The following PRKAR1B variants were observed in gnomAD, a reference collection of about 807,000 sequenced individuals.
The protein encoded by PRKAR1B is cAMP-dependent protein kinase type I-beta regulatory subunit.
PRKAR1B carries 22 observed loss-of-function variants against 46.5 expected under a neutral mutation model. The ratio of observed to expected loss-of-function variants is 0.47; its 90% CI spans 0.34 to 0.68. PRKAR1B has a LOEUF of 0.68. Among genes scored for constraint, PRKAR1B ranks in the 30% least tolerant of loss-of-function variants. The pLI is 0.01. For synonymous variants in PRKAR1B, 259 were observed against 217.7 expected, an observed-to-expected ratio of 1.19 and a Z score of -1.67; for missense variants, 445 against 535.6, an observed-to-expected ratio of 0.83 and a Z score of 1.67.
chr7:681,653 C>T (rs1180319162), intron 2 of PRKAR1B, among the ~76,000 whole-genome samples: 2 of 152,160 alleles, frequency 1.3e-5, no homozygotes, highest in Non-Finnish European at 2.9e-5. Context: ...GTGTCCTCCA[C>T]GTGGGCTGGG....
At chr7:584,469 T>A in intron 8 of PRKAR1B, 39 bp downstream of exon 8, 1 of 1,596,864 alleles carries the variant, frequency 6.3e-7, no homozygotes, top group Non-Finnish European at 8.6e-7. Flanking sequence ...GGCGCCCAGA[T>A]GTCGGGACAC....
intron 9 of PRKAR1B, among the ~76,000 whole-genome samples, chr7:570,641 C>A (rs886342364): frequency 1.3e-5 from 2 of 152,176 alleles, no homozygotes; most frequent in East Asian, 1.9e-4. Flanking sequence ...GCACGGCCCT[C>A]GGCAAAGCAG....
intron 4 of PRKAR1B, among the ~76,000 whole-genome samples, chr7:639,448 C>T (rs1455750836): frequency 6.6e-6 from 1 of 152,162 alleles, no homozygotes; most frequent in East Asian, 1.9e-4. Flanking sequence ...GGATGACAGT[C>T]CTAAATGTAA....
chr7:577,081 G>GC (rs1779893194), intron 9 of PRKAR1B, among the ~76,000 whole-genome samples: 1 of 151,780 alleles, frequency 6.6e-6, no homozygotes, highest in Non-Finnish European at 1.5e-5. Context: ...GCCATCAGCG[G>GC]CCTCATCCAA....
intron 1 of PRKAR1B, among the ~76,000 whole-genome samples, chr7:720,826 CTA>C (rs1781045877): frequency 6.6e-6 from 1 of 152,112 alleles, no homozygotes; most frequent in Non-Finnish European, 1.5e-5. Context: ...TTCAATGTGC[CTA>C]TGTTATTATG....
At chr7:726,707 G>A in intron 1 of PRKAR1B, 1 of 1,238,336 alleles carries the variant, frequency 8.1e-7, no homozygotes, top group Non-Finnish European at 1.0e-6. Context: ...TTAGTGACCG[G>A]CGACGCGGGC....
At chr7:728,553 G>A (rs1781446630), upstream of PRKAR1B, among the ~76,000 whole-genome samples, 1 of 152,180 alleles carries the variant, frequency 6.6e-6, no homozygotes, top group Non-Finnish European at 1.5e-5. Context: ...TGGAGCTTGG[G>A]GAAGAACCTT....
intron 1 of PRKAR1B, chr7:726,764 C>A: frequency 7.9e-7 from 1 of 1,258,872 alleles, no homozygotes; most frequent in Non-Finnish European, 1.0e-6. Context: ...GCCCCACACC[C>A]GGCTGAGGGG....
chr7:552,538 C>T (rs529308301), intron 9 of PRKAR1B, among the ~76,000 whole-genome samples: 54 of 152,162 alleles, frequency 3.5e-4, no homozygotes, highest in African/African-American at 1.3e-3. Context: ...CCACCACATC[C>T]AATGCTGCTG....
chr7:635,366 T>C (rs941039525), intron 4 of PRKAR1B, among the ~76,000 whole-genome samples: 1 of 152,192 alleles, frequency 6.6e-6, no homozygotes, highest in African/African-American at 2.4e-5. Context: ...AGGCAGACTG[T>C]GGCATCGCTG....
intron 4 of PRKAR1B, among the ~76,000 whole-genome samples, chr7:626,008 CAAAAA>C (rs71016892): frequency 4.5e-5 from 5 of 110,584 alleles, no homozygotes; most frequent in Non-Finnish European, 5.5e-5. Flanking sequence ...AACTCCATCT[CAAAAA>C]AAAAAAAAAA....
At chr7:575,955 C>T (rs1478905107) in intron 9 of PRKAR1B, among the ~76,000 whole-genome samples, 1 of 151,816 alleles carries the variant, frequency 6.6e-6, no homozygotes. Context: ...ACGCTGGCAT[C>T]CTCTCCTCTG....
chr7:677,154 G>A, intron 4 of PRKAR1B, 75 bp downstream of exon 4: 1 of 1,419,726 alleles, frequency 7.0e-7, no homozygotes, highest in Non-Finnish European at 9.9e-7. Context: ...GCCCAGGCAA[G>A]TGGCGGGACC....
At chr7:676,638 C>A (rs992142417) in intron 4 of PRKAR1B, among the ~76,000 whole-genome samples, 1 of 152,254 alleles carries the variant, frequency 6.6e-6, no homozygotes, top group African/African-American at 2.4e-5. Flanking sequence ...GGCAGGTGCA[C>A]GCAGCATAGT....
intron 6 of PRKAR1B, among the ~76,000 whole-genome samples, chr7:600,295 A>G (rs1250071061): frequency 6.6e-6 from 1 of 152,174 alleles, no homozygotes; most frequent in Non-Finnish European, 1.5e-5. Flanking sequence ...GCTTGAAGCC[A>G]GGAGTCTGAG....
At chr7:627,650 T>C (rs994608515) in intron 4 of PRKAR1B, among the ~76,000 whole-genome samples, 4 of 152,102 alleles carry the variant, frequency 2.6e-5, no homozygotes, top group Non-Finnish European at 5.9e-5. Flanking sequence ...CAATTGTCCC[T>C]TCCTAAGGAG....
chr7:631,653 G>C (rs2128479588), intron 4 of PRKAR1B, among the ~76,000 whole-genome samples: 1 of 152,298 alleles, frequency 6.6e-6, no homozygotes, highest in South Asian at 2.1e-4. Context: ...GATCCTGTGA[G>C]ACTCCAAAAG....
chr7:716,005 G>A (rs761468433), intron 1 of PRKAR1B, among the ~76,000 whole-genome samples: 16 of 151,612 alleles, frequency 1.1e-4, no homozygotes, highest in Non-Finnish European at 2.1e-4. Context: ...GTGAGCCACC[G>A]CACCCGGCCT....
chr7:718,863 CTTTT>C (rs1165723435), intron 1 of PRKAR1B, among the ~76,000 whole-genome samples: 6 of 73,846 alleles, frequency 8.1e-5, no homozygotes, highest in East Asian at 4.6e-4. Context: ...CTTTTATAGG[CTTTT>C]TTTTTTTTTT....
Sources: gnomAD v4.1 joint callset for allele counts (sites outside exome capture counted in the v4.1 genomes callset) on GRCh38, gnomAD v4.1.1 for gene constraint, MANE v1.5 for transcripts, NCBI Gene and HGNC (gene_info 2026-07-23, HGNC 2026-07-21) for gene names.